The following SGCZ variants were observed in gnomAD, a reference collection of about 807,000 sequenced individuals.
SGCZ encodes zeta-sarcoglycan.
In SGCZ, 40 loss-of-function variants were observed where a neutral mutation model predicts 41.3. The ratio of observed to expected loss-of-function variants is 0.97; its 90% CI spans 0.75 to 1.26. SGCZ has a LOEUF of 1.26. Ranked by LOEUF, SGCZ falls within the 50% of genes most tolerant of loss-of-function variation. The pLI is 0.00. For synonymous variants in SGCZ, 206 were observed against 137.5 expected, an observed-to-expected ratio of 1.50 and a Z score of -3.49; for missense variants, 552 against 369.8, an observed-to-expected ratio of 1.49 and a Z score of -4.04.
intron 1 of SGCZ, among the ~76,000 whole-genome samples, chr8:14,562,933 A>T (rs11990300): frequency 6.6e-6 from 1 of 152,210 alleles, no homozygotes; most frequent in African/African-American, 2.4e-5. Flanking sequence ...AATGTCAGCA[A>T]ATCACCCAGT....
chr8:14,799,998 G>GA (rs1257651346), intron 1 of SGCZ, among the ~76,000 whole-genome samples: 1 of 152,068 alleles, frequency 6.6e-6, no homozygotes, highest in African/African-American at 2.4e-5. Flanking sequence ...TGTTTAACAA[G>GA]AAAAAATGTA....
intron 1 of SGCZ, 27 bp downstream of exon 1, chr8:15,237,558 G>T (rs751640176): frequency 6.3e-7 from 1 of 1,583,780 alleles, no homozygotes; most frequent in Non-Finnish European, 8.6e-7. Flanking sequence ...AGAAGCGGCC[G>T]CGAAGCCCGC....
At chr8:14,499,470 T>C (rs1170017461) in intron 2 of SGCZ, among the ~76,000 whole-genome samples, 4 of 152,038 alleles carry the variant, frequency 2.6e-5, no homozygotes, top group Admixed American at 6.6e-5. Flanking sequence ...CAACATATAT[T>C]GCTGAAACTT....
chr8:14,822,326 A>G (rs1802128398), intron 1 of SGCZ, among the ~76,000 whole-genome samples: 1 of 152,202 alleles, frequency 6.6e-6, no homozygotes, highest in Non-Finnish European at 1.5e-5. Flanking sequence ...CTTTGATGTA[A>G]GAAATTGAAG....
intron 2 of SGCZ, among the ~76,000 whole-genome samples, chr8:14,483,231 T>C (rs1181797146): frequency 6.6e-6 from 1 of 152,116 alleles, no homozygotes; most frequent in African/African-American, 2.4e-5. Context: ...AAAATCTTAT[T>C]TTAAGTACGC....
chr8:14,456,130 C>T (rs1800736432), intron 2 of SGCZ, among the ~76,000 whole-genome samples: 1 of 152,116 alleles, frequency 6.6e-6, no homozygotes, highest in Admixed American at 6.6e-5. Context: ...AGAGGTAGGA[C>T]ACGCACGGTG....
At chr8:14,995,186 CAGG>C (rs1191365304) in intron 1 of SGCZ, among the ~76,000 whole-genome samples, 4 of 152,218 alleles carry the variant, frequency 2.6e-5, no homozygotes, top group Non-Finnish European at 5.9e-5. Flanking sequence ...GTATATTTAT[CAGG>C]AGATGATTTG....
chr8:14,739,914 A>C (rs1799149054), intron 1 of SGCZ, among the ~76,000 whole-genome samples: 1 of 151,970 alleles, frequency 6.6e-6, no homozygotes, highest in Non-Finnish European at 1.5e-5. Flanking sequence ...CCACCCACCA[A>C]ATAGAGGAGG....
At chr8:14,437,926 T>G (rs1443489791) in intron 2 of SGCZ, among the ~76,000 whole-genome samples, 20 of 151,998 alleles carry the variant, frequency 1.3e-4, no homozygotes, top group Admixed American at 1.3e-3. Flanking sequence ...GCTAGATGAT[T>G]ACCGATTTGT....
intron 1 of SGCZ, among the ~76,000 whole-genome samples, chr8:14,846,607 A>G (rs916257939): frequency 1.6e-4 from 24 of 151,794 alleles, no homozygotes; most frequent in African/African-American, 5.8e-4. Context: ...CTTTAAAAAT[A>G]CATACTACTT....
rs1436501535 is a variant in SGCZ at position 15,219,108 on chromosome 8, TA to T, written c.39+18476del. 2.6e-5 allele frequency among the ~76,000 whole-genome samples: 4 copies of T among 152,214 alleles called. No homozygotes were observed. In the East Asian group the frequency reaches 7.7e-4, roughly 29 times the overall value. On this transcript the variant is annotated intron_variant, in intron 1 of 7. Transcript: ENST00000382080. ...TCTACTCAAATCAAATTATATTCAATAACTACATATTGAGTACTTTTTTACA... is the reference window on the plus strand; with the variant it reads ...TCTACTCAAATCAAATTATATTCAATACTACATATTGAGTACTTTTTTACA...
intron 3 of SGCZ, among the ~76,000 whole-genome samples, chr8:14,300,611 A>T (rs1217656617): frequency 6.6e-6 from 1 of 152,012 alleles, no homozygotes; most frequent in African/African-American, 2.4e-5. Flanking sequence ...AAAGGTTTTA[A>T]ACTTGGGAGT....
chr8:15,151,580 C>T (rs1194579553), intron 1 of SGCZ, among the ~76,000 whole-genome samples: 1 of 152,108 alleles, frequency 6.6e-6, no homozygotes, highest in African/African-American at 2.4e-5. Flanking sequence ...ATATAGAAAT[C>T]TGAATACATT....
chr8:14,417,895 G>C (rs968441928), intron 2 of SGCZ, among the ~76,000 whole-genome samples: 2 of 151,770 alleles, frequency 1.3e-5, no homozygotes, highest in East Asian at 3.9e-4. Context: ...AAAAGAACCA[G>C]ATTTTATTTA....
intron 2 of SGCZ, among the ~76,000 whole-genome samples, chr8:14,408,489 T>A (rs897114672): frequency 4.6e-5 from 7 of 152,140 alleles, no homozygotes; most frequent in Non-Finnish European, 1.0e-4. Context: ...TTTACCCAGG[T>A]GGCCACCGTC....
chr8:14,823,285 T>G (rs1802177043), intron 1 of SGCZ, among the ~76,000 whole-genome samples: 1 of 151,804 alleles, frequency 6.6e-6, no homozygotes, highest in Non-Finnish European at 1.5e-5. Flanking sequence ...ATTAACCAAG[T>G]GATGAGACGA....
At chr8:14,290,912 C>T (rs1391533891) in intron 3 of SGCZ, among the ~76,000 whole-genome samples, 2 of 152,122 alleles carry the variant, frequency 1.3e-5, no homozygotes, top group Non-Finnish European at 1.5e-5. Flanking sequence ...TAACAGTATT[C>T]ACCATAGCTA....
At chr8:14,439,550 G>A (rs918713290) in intron 2 of SGCZ, among the ~76,000 whole-genome samples, 1 of 151,514 alleles carries the variant, frequency 6.6e-6, no homozygotes, top group Non-Finnish European at 1.5e-5. Flanking sequence ...TATTAGCAAA[G>A]GGAATTCGTA....
Position 14,805,763 on chromosome 8 carries a change from T to A in SGCZ, c.40-250837A>T, listed in dbSNP as rs889328613. ...CATCTACAGAACTCTCCACCCCAAA[T>A]CAACAGAATATACATTTTTTTCAGC... On this transcript the variant is annotated intron_variant, in intron 1 of 7. Coordinates refer to ENST00000382080, the MANE Select transcript of SGCZ (RefSeq NM_139167.4). Among the ~76,000 whole-genome samples the A allele has an allele frequency of 2.0e-3, 311 of 152,038 alleles. 3 individuals are homozygous for A. Among genetic ancestry groups the A allele is most frequent in the Middle Eastern group, 0.01 (3 of 294 alleles).
Sources: gnomAD v4.1 joint callset for allele counts (sites outside exome capture counted in the v4.1 genomes callset) on GRCh38, gnomAD v4.1.1 for gene constraint, MANE v1.5 for transcripts, NCBI Gene and HGNC (gene_info 2026-07-23, HGNC 2026-07-21) for gene names.